The following CLSTN2 variants were observed in gnomAD, a reference collection of about 807,000 sequenced individuals.
The protein encoded by CLSTN2 is calsyntenin 2.
A neutral mutation model predicts 101.2 loss-of-function variants in CLSTN2; 48 were observed. The observed-to-expected ratio is 0.47, with a 90% CI of 0.38 to 0.60. CLSTN2 has a LOEUF of 0.60. CLSTN2 is among the 20% of genes least tolerant of loss of function. The pLI is 0.00. For missense variants in CLSTN2, 1,160 were observed against 1,238.2 expected (o/e 0.94, Z 0.95); for synonymous variants, 481 against 463.6 (o/e 1.04, Z -0.48).
chr3:140,288,994 C>G (rs1486755119), intron 2 of CLSTN2, among the ~76,000 whole-genome samples: 1 of 152,102 alleles, frequency 6.6e-6, no homozygotes, highest in Admixed American at 6.5e-5. Flanking sequence ...TGCTGCTGCT[C>G]TTTTGCTGCG....
At position 140,571,628 on chromosome 3, in the gene CLSTN2, C is replaced by T. The variant is rs1985552406; in HGVS notation, c.*5375C>T. The T allele has an allele frequency of 6.6e-6, 1 of 152,248 alleles. No homozygotes were observed. The allele number at this position is 152,248 out of a possible 1,614,324, so 9.4% of individuals were successfully genotyped here. A position where few individuals can be genotyped will look rare whatever the true frequency, so the allele number is the denominator to read the frequency against. Reference sequence around the variant, plus strand: ...AATTTAATTTTCACATAACCACTTTCCATTGTCCAGCTGCAGGCAAAAGAA... The same window carrying T: ...AATTTAATTTTCACATAACCACTTTTCATTGTCCAGCTGCAGGCAAAAGAA... On this transcript the variant is annotated 3_prime_UTR_variant, in exon 17 of 17. Coordinates refer to ENST00000458420, the MANE Select transcript of CLSTN2 (RefSeq NM_022131.3).
At chr3:140,236,096 T>C (rs2086414852) in intron 2 of CLSTN2, among the ~76,000 whole-genome samples, 1 of 152,138 alleles carries the variant, frequency 6.6e-6, no homozygotes, top group African/African-American at 2.4e-5. Context: ...GAATTGGTGA[T>C]TTCTGTGGGC....
intron 1 of CLSTN2, among the ~76,000 whole-genome samples, chr3:140,153,614 C>T (rs1408418512): frequency 1.3e-5 from 2 of 152,244 alleles, no homozygotes; most frequent in African/African-American, 4.8e-5. Flanking sequence ...GGGCCGTTCT[C>T]AAATTGTTAC....
intron 2 of CLSTN2, among the ~76,000 whole-genome samples, chr3:140,249,255 A>G (rs1309233164): frequency 6.6e-6 from 1 of 152,182 alleles, no homozygotes; most frequent in African/African-American, 2.4e-5. Flanking sequence ...CTCCAGTTGA[A>G]AATCTCAGCC....
At chr3:140,475,268 T>C (rs1299800201) in intron 8 of CLSTN2, among the ~76,000 whole-genome samples, 1 of 152,192 alleles carries the variant, frequency 6.6e-6, no homozygotes, top group Non-Finnish European at 1.5e-5. Context: ...TTTAACAAAG[T>C]GCAGATCAGT....
intron 2 of CLSTN2, among the ~76,000 whole-genome samples, chr3:140,372,248 C>T (rs979080697): frequency 2.6e-5 from 4 of 152,148 alleles, no homozygotes; most frequent in African/African-American, 4.8e-5. Context: ...TCCTGATCCC[C>T]GTTGCTGGTC....
intron 2 of CLSTN2, among the ~76,000 whole-genome samples, chr3:140,240,293 CATATATATATAT>C (rs1175836591): frequency 2.2e-3 from 25 of 11,362 alleles, no homozygotes; most frequent in Admixed American, 8.2e-3. Flanking sequence ...CATATATACA[CATATATATATAT>C]ACACACACAC....
chr3:139,997,882 TA>T (rs745915707), intron 1 of CLSTN2, among the ~76,000 whole-genome samples: 19 of 152,186 alleles, frequency 1.2e-4, no homozygotes, highest in Non-Finnish European at 2.8e-4. Flanking sequence ...TTCTAAGTAT[TA>T]AAACTTCCTT....
intron 8 of CLSTN2, among the ~76,000 whole-genome samples, chr3:140,521,461 G>GAGAA (rs151258540): frequency 0.02 from 3,080 of 152,270 alleles, 109 homozygotes; most frequent in African/African-American, 0.071. Context: ...AGTGAAGGCT[G>GAGAA]AGAAACAGCA....
chr3:140,230,170 G>A (rs1203739548), intron 2 of CLSTN2, among the ~76,000 whole-genome samples: 2 of 152,060 alleles, frequency 1.3e-5, no homozygotes, highest in Non-Finnish European at 2.9e-5. Context: ...GCAGCAAGCA[G>A]GGGAAAGAGG....
At chr3:140,233,260 T>C (rs1256118944) in intron 2 of CLSTN2, among the ~76,000 whole-genome samples, 1 of 152,172 alleles carries the variant, frequency 6.6e-6, no homozygotes, top group Non-Finnish European at 1.5e-5. Flanking sequence ...CTCACTCTGC[T>C]CCACTGACAC....
chr3:140,197,958 G>A (rs1338360664), intron 2 of CLSTN2, among the ~76,000 whole-genome samples: 2 of 152,098 alleles, frequency 1.3e-5, no homozygotes, highest in Non-Finnish European at 2.9e-5. Flanking sequence ...GGTATTTCTG[G>A]CTTTGTTATC....
intron 8 of CLSTN2, among the ~76,000 whole-genome samples, chr3:140,509,543 C>T (rs1171951714): frequency 1.3e-5 from 2 of 152,190 alleles, no homozygotes; most frequent in Admixed American, 6.5e-5. Flanking sequence ...GCATTTTTTA[C>T]TCTGGGCCCC....
chr3:140,006,899 A>G (rs2006970337), intron 1 of CLSTN2, among the ~76,000 whole-genome samples: 1 of 152,250 alleles, frequency 6.6e-6, no homozygotes, highest in African/African-American at 2.4e-5. Context: ...GAGGCACCAA[A>G]AGAAACCACT....
chr3:140,095,526 T>A (rs928006305), intron 1 of CLSTN2, among the ~76,000 whole-genome samples: 5 of 152,236 alleles, frequency 3.3e-5, no homozygotes, highest in Non-Finnish European at 7.3e-5. Flanking sequence ...AGCAGTTGGC[T>A]ATCTACAATT....
chr3:140,491,326 T>G (rs1934348907), intron 8 of CLSTN2, among the ~76,000 whole-genome samples: 1 of 152,218 alleles, frequency 6.6e-6, no homozygotes, highest in South Asian at 2.1e-4. Context: ...AGCTAACATG[T>G]AATGAGCACT....
intron 1 of CLSTN2, among the ~76,000 whole-genome samples, chr3:139,960,741 T>C (rs1277235234): frequency 6.6e-6 from 1 of 152,204 alleles, no homozygotes; most frequent in Non-Finnish European, 1.5e-5. Context: ...ATGATGACCA[T>C]GATAGAAGCC....
intron 10 of CLSTN2, among the ~76,000 whole-genome samples, chr3:140,554,713 G>A (rs1202477264): frequency 6.6e-6 from 1 of 152,158 alleles, no homozygotes; most frequent in Non-Finnish European, 1.5e-5. Flanking sequence ...GACACCGTCA[G>A]TAAAAGATGA....
intron 5 of CLSTN2, among the ~76,000 whole-genome samples, chr3:140,425,455 C>T (rs534054407): frequency 5.3e-5 from 8 of 152,302 alleles, no homozygotes; most frequent in African/African-American, 1.7e-4. Flanking sequence ...CCGGCTCTTC[C>T]GCTGCCTGCC....
Sources: gnomAD v4.1 joint callset for allele counts (sites outside exome capture counted in the v4.1 genomes callset) on GRCh38, gnomAD v4.1.1 for gene constraint, MANE v1.5 for transcripts, NCBI Gene and HGNC (gene_info 2026-07-23, HGNC 2026-07-21) for gene names.